The following GRID2 variants were observed in gnomAD, a reference collection of about 807,000 sequenced individuals.
GRID2 encodes glutamate receptor ionotropic, delta-2.
A neutral mutation model predicts 114.8 loss-of-function variants in GRID2; 33 were observed. The observed-to-expected ratio is 0.29, with a 90% confidence interval of 0.22 to 0.38. The LOEUF is 0.38. GRID2 is among the 10% of genes least tolerant of loss of function. The probability of loss-of-function intolerance (pLI) is 1.00; values close to 1 mark genes in which losing one functional copy is unlikely to be tolerated. For missense variants in GRID2, 1,184 were observed against 1,257.7 expected, an observed-to-expected ratio of 0.94 and a Z score of 0.89; for synonymous variants, 505 against 449.9, an observed-to-expected ratio of 1.12 and a Z score of -1.55.
chr4:93,413,679 G>C (rs993084642), intron 9 of GRID2, among the ~76,000 whole-genome samples: 19 of 152,024 alleles, frequency 1.2e-4, no homozygotes, highest in Non-Finnish European at 4.4e-5. Flanking sequence ...CACCCTCAAT[G>C]GTTGCTGTTA....
At chr4:93,345,580 A>G (rs1205529500) in intron 8 of GRID2, among the ~76,000 whole-genome samples, 2 of 151,676 alleles carry the variant, frequency 1.3e-5, no homozygotes, top group Non-Finnish European at 2.9e-5. Flanking sequence ...TTTTTTTCCC[A>G]TTCTGTAGGT....
intron 13 of GRID2, among the ~76,000 whole-genome samples, chr4:93,569,697 C>T (rs1735751400): frequency 6.6e-6 from 1 of 152,166 alleles, no homozygotes; most frequent in Non-Finnish European, 1.5e-5. Flanking sequence ...GCTAACAAAT[C>T]CTAGCTTTGC....
intron 1 of GRID2, among the ~76,000 whole-genome samples, chr4:92,474,358 T>C (rs1722191582): frequency 6.6e-6 from 1 of 152,124 alleles, no homozygotes; most frequent in Non-Finnish European, 1.5e-5. Flanking sequence ...TTTACTTATA[T>C]TTGATGCTGA....
chr4:93,218,685 A>G (rs1424109026), intron 6 of GRID2, among the ~76,000 whole-genome samples: 3 of 152,168 alleles, frequency 2.0e-5, no homozygotes, highest in Non-Finnish European at 4.4e-5. Context: ...AGCCTTAACA[A>G]CATCTCTTTA....
chr4:93,782,556 C>A (rs1174904779), intron 1 of GRID2, among the ~76,000 whole-genome samples: 1 of 152,020 alleles, frequency 6.6e-6, no homozygotes, highest in Non-Finnish European at 1.5e-5. Context: ...AATCCTGTGA[C>A]ACCAATTCCA....
intron 8 of GRID2, among the ~76,000 whole-genome samples, chr4:93,268,980 C>T (rs1487048850): frequency 6.6e-6 from 1 of 152,060 alleles, no homozygotes; most frequent in African/African-American, 2.4e-5. Flanking sequence ...TATGACTGGA[C>T]ATCATAAAAT....
At chr4:93,090,401 A>G (rs905547723) in intron 3 of GRID2, among the ~76,000 whole-genome samples, 4 of 152,202 alleles carry the variant, frequency 2.6e-5, no homozygotes, top group Admixed American at 2.6e-4. Context: ...ATTTGTGGTT[A>G]CAAAGATTCC....
chr4:93,216,702 A>T, intron 5 of GRID2, 36 bp from the exon 6 acceptor site: 2 of 1,414,020 alleles, frequency 1.4e-6, no homozygotes, highest in South Asian at 1.2e-5. Context: ...TGACTGTATT[A>T]AAGTATCTCT....
In GRID2 at chr4:92,633,451, G is replaced by T. The variant is rs183604979; in HGVS notation, c.244+43165G>T. 1.2e-4 allele frequency among the ~76,000 whole-genome samples: 18 copies of T among 152,224 alleles called. No homozygotes were observed. The East Asian group carries it at 3.5e-3, about 29-fold the overall frequency. On this transcript the variant is annotated intron_variant, in intron 2 of 15. Transcript: ENST00000282020. ...ATGGAGAGGTTGGAAGGGAGAAGAAGATTTTCATTTTGTTAGATAGCAACA... is the reference window on the plus strand; with the variant it reads ...ATGGAGAGGTTGGAAGGGAGAAGAATATTTTCATTTTGTTAGATAGCAACA...
chr4:93,472,299 G>C (rs1056695032), intron 11 of GRID2, among the ~76,000 whole-genome samples: 2 of 151,754 alleles, frequency 1.3e-5, no homozygotes, highest in Admixed American at 6.6e-5. Flanking sequence ...CTCTAACCTG[G>C]GCAACAAGAG....
At position 93,714,492 on chromosome 4, in the gene GRID2, G is replaced by A. The variant is rs543072440; in HGVS notation, c.2361-54718G>A. Reference sequence around the variant, plus strand: ...TGCTGGGTCAAATGGTATTTCTGCCGCTAGGTCTTTAAGGAATTGCCACAC... The same window carrying A: ...TGCTGGGTCAAATGGTATTTCTGCCACTAGGTCTTTAAGGAATTGCCACAC... On this transcript the variant is annotated intron_variant, in intron 14 of 15. Coordinates refer to ENST00000282020, the MANE Select transcript of GRID2 (RefSeq NM_001510.4). Among the ~76,000 whole-genome samples, 11 of 152,178 alleles carry A rather than the reference G, an allele frequency of 7.2e-5. No individual in the cohort carries two copies. In the East Asian group the frequency reaches 7.7e-4, roughly 11 times the overall value.
intron 2 of GRID2, among the ~76,000 whole-genome samples, chr4:92,869,569 T>C (rs1745127811): frequency 6.6e-6 from 1 of 152,168 alleles, no homozygotes; most frequent in African/African-American, 2.4e-5. Flanking sequence ...TTTTTAAAAT[T>C]AATTAATGGG....
At chr4:93,201,232 G>A (rs928378825) in intron 4 of GRID2, among the ~76,000 whole-genome samples, 1 of 152,094 alleles carries the variant, frequency 6.6e-6, no homozygotes, top group Admixed American at 6.6e-5. Flanking sequence ...GGAATAATGT[G>A]GTAATAGCAT....
intron 2 of GRID2, among the ~76,000 whole-genome samples, chr4:92,677,675 CTT>C (rs768541135): frequency 6.6e-6 from 1 of 152,082 alleles, no homozygotes; most frequent in African/African-American, 2.4e-5. Flanking sequence ...GGCATTTTCC[CTT>C]TCTCTCTCAT....
intron 4 of GRID2, among the ~76,000 whole-genome samples, chr4:93,145,892 T>C (rs1736182062): frequency 6.6e-6 from 1 of 151,358 alleles, no homozygotes; most frequent in African/African-American, 2.4e-5. Flanking sequence ...ACACACTTTA[T>C]AGTCTGTAGT....
chr4:92,669,142 A>G (rs997410829), intron 2 of GRID2, among the ~76,000 whole-genome samples: 4 of 151,992 alleles, frequency 2.6e-5, no homozygotes, highest in African/African-American at 4.8e-5. Flanking sequence ...AATATATACA[A>G]GAATGAAATT....
At chr4:92,675,563 T>TTTTTTTTTTC (rs1733306310) in intron 2 of GRID2, among the ~76,000 whole-genome samples, 1 of 151,180 alleles carries the variant, frequency 6.6e-6, no homozygotes, top group African/African-American at 2.4e-5. Flanking sequence ...TTTTTTTTTT[T>TTTTTTTTTTC]TTTTTGAGAC....
intron 1 of GRID2, among the ~76,000 whole-genome samples, chr4:92,395,097 T>G (rs550477907): frequency 6.6e-6 from 1 of 151,754 alleles, no homozygotes; most frequent in African/African-American, 2.4e-5. Flanking sequence ...AACACATAAA[T>G]ATTTTCTTTA....
intron 1 of GRID2, among the ~76,000 whole-genome samples, chr4:92,542,625 C>T (rs66507847): frequency 0.21 from 32,321 of 151,212 alleles, 3,829 homozygotes; most frequent in South Asian, 0.29. Flanking sequence ...TCTGGGGACT[C>T]GGTGGGAGGG....
Sources: gnomAD v4.1 joint callset for allele counts (sites outside exome capture counted in the v4.1 genomes callset) on GRCh38, gnomAD v4.1.1 for gene constraint, MANE v1.5 for transcripts, NCBI Gene and HGNC (gene_info 2026-07-23, HGNC 2026-07-21) for gene names.